CBX7: variants seen among roughly 807,000 people sequenced by gnomAD.
The protein encoded by CBX7 is chromobox protein homolog 7.
Under a neutral mutation model 31.4 loss-of-function variants are expected in CBX7, and 14 were observed. The observed-to-expected ratio is 0.45, with a 90% CI of 0.29 to 0.70. The LOEUF (loss-of-function observed/expected upper bound fraction) is 0.70, where lower values mean the gene tolerates loss of function less well. Ranked by LOEUF, CBX7 falls within the 30% of genes least tolerant of loss-of-function variation. CBX7 has a pLI of 0.11. For missense variants in CBX7, 269 were observed against 351.9 expected, an observed-to-expected ratio of 0.76 and a Z score of 1.89; for synonymous variants, 159 against 152.6, an observed-to-expected ratio of 1.04 and a Z score of -0.31.
At chr22:39,141,504 T>G in intron 2 of CBX7, 68 bp from the exon 3 acceptor site, 1 of 1,380,302 alleles carries the variant, frequency 7.2e-7, no homozygotes, top group Non-Finnish European at 1.0e-6. Flanking sequence ...ATCCCAGCAC[T>G]TTGGGAGGCC....
chr22:39,138,915 T>G (rs1386614367), intron 3 of CBX7, among the ~76,000 whole-genome samples: 1 of 152,166 alleles, frequency 6.6e-6, no homozygotes, highest in Non-Finnish European at 1.5e-5. Flanking sequence ...CTGACAAACG[T>G]GGAGGGCAAC....
In CBX7 at chr22:39,134,542, G is replaced by T. The variant is rs1333902844; in HGVS notation, c.457C>A (p.Arg153Ser). 2.5e-6 allele frequency: 4 copies of T among 1,610,170 alleles called. No homozygotes were observed. Among genetic ancestry groups the T allele is most frequent in the Non-Finnish European group, 2.5e-6 (3 of 1,178,796 alleles). ...GGCCCGCGGGGCGGGAACTTCTTGC[G>T]CGAGAGCCGCAGGTACTTGTGGGCC... Reference protein sequence around the residue: ...RKAHKYLRLSRKKFPPRGPNL... With the variant: ...RKAHKYLRLSSKKFPPRGPNL... Residue 153 changes from arginine (R) to serine (S), a missense_variant, in exon 5 of 6, where the codon CGC becomes AGC. By Grantham distance (110) the Arg-to-Ser change is moderately radical. Transcript: ENST00000216133.
In CBX7 at chr22:39,130,894, A is replaced by G. The variant is rs1930011853; in HGVS notation, c.*2997T>C. ...TTACCAATGTCAGTACAAAAATAAA[A>G]CCGCGCTCTACATCCACTCTGACTC... is the stretch of plus-strand genomic sequence containing the variant. On this transcript the variant is annotated 3_prime_UTR_variant, in exon 6 of 6. Coordinates refer to ENST00000216133, the MANE Select transcript of CBX7 (RefSeq NM_175709.5). 6.6e-6 allele frequency: 1 copy of G among 152,600 alleles called. No homozygotes were observed. The highest frequency in any genetic ancestry group is 1.5e-5 in the Non-Finnish European group (1 of 68,028). The allele number at this position is 152,600 out of a possible 1,614,324, so 9.5% of individuals were successfully genotyped here.
In CBX7 at chr22:39,130,855, TG is replaced by T. The variant is rs1244384683; in HGVS notation, c.*3035del. 6.6e-6 allele frequency: 1 copy of T among 152,612 alleles called. No individual in the cohort carries two copies. The highest frequency in any genetic ancestry group is 1.5e-5 in the Non-Finnish European group (1 of 68,044). The allele number at this position is 152,612 out of a possible 1,614,324, so 9.5% of individuals were successfully genotyped here. On this transcript the variant is annotated 3_prime_UTR_variant, in exon 6 of 6. Transcript: ENST00000216133. ...CAGATAAATCATCTAAATAAATAGA[TG>T]CTATACAGTCTCTTACCAATGTCAG...
chr22:39,145,515 C>T (rs935168103), intron 2 of CBX7, among the ~76,000 whole-genome samples: 1 of 152,156 alleles, frequency 6.6e-6, no homozygotes, highest in Non-Finnish European at 1.5e-5. Flanking sequence ...GGAGCCAGGG[C>T]TCTGGGGACA....
intron 3 of CBX7, 125 bp downstream of exon 3, chr22:39,141,245 TG>T: frequency 1.4e-6 from 1 of 694,922 alleles, no homozygotes; most frequent in Non-Finnish European, 2.4e-6. Flanking sequence ...AGCTGCAGGC[TG>T]GGCTGGCCTG....
At chr22:39,146,003 C>T (rs956699714) in intron 2 of CBX7, among the ~76,000 whole-genome samples, 2 of 152,146 alleles carry the variant, frequency 1.3e-5, no homozygotes, top group African/African-American at 4.8e-5. Flanking sequence ...TGGAACCACC[C>T]GGAACCCCGC....
intron 4 of CBX7, chr22:39,135,766 A>T (rs1930231012): frequency 6.6e-6 from 1 of 151,218 alleles, no homozygotes; most frequent in South Asian, 2.1e-4. Flanking sequence ...CTCAAAACCC[A>T]CTCCTCCCAG....
intron 2 of CBX7, among the ~76,000 whole-genome samples, chr22:39,146,901 A>G (rs912219137): frequency 6.6e-6 from 1 of 152,082 alleles, no homozygotes; most frequent in Admixed American, 6.5e-5. Flanking sequence ...TGGAGGCCTC[A>G]GGCACAGCTG....
At chr22:39,137,101 G>T (rs1415876090) in intron 4 of CBX7, among the ~76,000 whole-genome samples, 3 of 152,150 alleles carry the variant, frequency 2.0e-5, no homozygotes, top group African/African-American at 7.2e-5. Flanking sequence ...TACAGGTGAA[G>T]AGGCTTACCT....
chr22:39,133,786 A>C lies in CBX7; in HGVS notation c.*105T>G. The stretch of plus-strand genomic sequence containing the variant: ...ATCTTCTCCCCTTTTGCTGCTCGGT[A>C]TTTTTTTAAATAAAATAATTACCCC... On this transcript the variant is annotated 3_prime_UTR_variant, in exon 6 of 6. Transcript: ENST00000216133. The C allele has an allele frequency of 8.8e-7, 1 of 1,137,562 alleles. No homozygotes were observed. Among genetic ancestry groups the C allele is most frequent in the Non-Finnish European group, 1.2e-6 (1 of 836,276 alleles). 70.5% of individuals were successfully genotyped at this position (1,137,562 alleles called of 1,614,324 possible). A position where few individuals can be genotyped will look rare whatever the true frequency, so the allele number is the denominator to read the frequency against.
Position 39,152,359 on chromosome 22 carries a change from C to A in CBX7, c.69+17G>T. Reference sequence around the variant, plus strand: ...GACCCCACTGGGGTCCTGGGAGCCGCCCCCGGGCAGCCTCACCTTCCGCAC... The same window carrying A: ...GACCCCACTGGGGTCCTGGGAGCCGACCCCGGGCAGCCTCACCTTCCGCAC... On this transcript the variant is annotated intron_variant, in intron 1 of 5. Transcript: ENST00000216133. The surrounding 1 kb of genome is among the most constrained non-coding windows in gnomAD (Gnocchi z 4.9). 7.2e-7 allele frequency: 1 copy of A among 1,380,342 alleles called. No homozygotes were observed. 85.5% of individuals were successfully genotyped at this position (1,380,342 alleles called of 1,614,324 possible). A position where few individuals can be genotyped will look rare whatever the true frequency, so the allele number is the denominator to read the frequency against.
Position 39,134,148 on chromosome 22 carries a change from T to C in CBX7, c.599-100A>G, listed in dbSNP as rs1355303455. 2.3e-6 allele frequency: 3 copies of C among 1,280,204 alleles called. No individual in the cohort carries two copies. The African/African-American group carries it at 4.4e-5, about 19-fold the overall frequency. The allele number at this position is 1,280,204 out of a possible 1,614,324, so 79.3% of individuals were successfully genotyped here. A position where few individuals can be genotyped will look rare whatever the true frequency, so the allele number is the denominator to read the frequency against. ...AACTCCAGCTCCTCCTCTCTGTGTC[T>C]TCAGTCAGCTCAGGGCCTCACACAG... On this transcript the variant is annotated intron_variant, in intron 5 of 5. Coordinates refer to ENST00000216133, the MANE Select transcript of CBX7 (RefSeq NM_175709.5).
intron 2 of CBX7, among the ~76,000 whole-genome samples, chr22:39,143,694 A>C (rs1275968331): frequency 1.3e-5 from 2 of 152,232 alleles, no homozygotes; most frequent in East Asian, 3.8e-4. Flanking sequence ...GTGCTCTAGA[A>C]GGTGTCCCAG....
intron 2 of CBX7, among the ~76,000 whole-genome samples, chr22:39,142,230 T>C (rs889825104): frequency 1.3e-5 from 2 of 152,170 alleles, no homozygotes; most frequent in African/African-American, 4.8e-5. Context: ...TTAGAGGGTG[T>C]TACAAGAGTA....
intron 3 of CBX7, among the ~76,000 whole-genome samples, chr22:39,139,429 A>G (rs1930368129): frequency 6.6e-6 from 1 of 151,980 alleles, no homozygotes; most frequent in Admixed American, 6.6e-5. Flanking sequence ...CCAGCCAGGC[A>G]CGGTGGCTCA....
chr22:39,145,577 G>T (rs1359360052), intron 2 of CBX7, among the ~76,000 whole-genome samples: 3 of 151,890 alleles, frequency 2.0e-5, no homozygotes, highest in Admixed American at 1.3e-4. Flanking sequence ...GGGGACTGCG[G>T]GGGTCTGCAC....
At chr22:39,140,771 TG>T (rs1930426114) in intron 3 of CBX7, among the ~76,000 whole-genome samples, 1 of 151,834 alleles carries the variant, frequency 6.6e-6, no homozygotes, top group African/African-American at 2.4e-5. Context: ...ACTGTTAGGG[TG>T]TGCCCAGCTT....
chr22:39,140,160 T>C (rs1394859228), intron 3 of CBX7, among the ~76,000 whole-genome samples: 1 of 152,206 alleles, frequency 6.6e-6, no homozygotes, highest in Non-Finnish European at 1.5e-5. Context: ...GCCAGGCTCT[T>C]ACTCTGAGCT....
Sources: allele counts gnomAD v4.1 joint callset (sites outside exome capture counted in the v4.1 genomes callset), GRCh38; gene constraint gnomAD v4.1.1; non-coding constraint Gnocchi (gnomAD v3.1); transcripts MANE v1.5; gene names NCBI Gene and HGNC (gene_info 2026-07-23, HGNC 2026-07-21).